Variants in MET observed in about 807,000 individuals in gnomAD.
MET encodes the protein MET proto-oncogene, receptor tyrosine kinase.
MET carries 48 observed loss-of-function variants against 133.1 expected under a neutral mutation model. The ratio of observed to expected loss-of-function variants is 0.36; its 90% CI spans 0.29 to 0.46. MET has a LOEUF of 0.46. Ranked by LOEUF, MET falls within the 20% of genes least tolerant of loss-of-function variation. MET has a pLI of 1.00. For synonymous variants in MET, 628 were observed against 616.5 expected (o/e 1.02, Z -0.28); for missense variants, 1,442 against 1,695.9 (o/e 0.85, Z 2.63).
intron 13 of MET, 40 bp downstream of exon 13, chr7:116,771,694 A>G: frequency 6.2e-7 from 1 of 1,611,288 alleles, no homozygotes; most frequent in Non-Finnish European, 8.5e-7. Flanking sequence ...AGTTACCTTA[A>G]GAACACAGTC....
In MET at chr7:116,763,224, C is replaced by T. The variant is rs1562925733; in HGVS notation, c.2539C>T (p.Pro847Ser). 1.2e-6 allele frequency: 2 copies of T among 1,613,856 alleles called. No homozygotes were observed. The highest frequency in any genetic ancestry group is 8.5e-7 in the Non-Finnish European group (1 of 1,179,926). Residue 847 changes from proline (P) to serine (S), a missense_variant, in exon 11 of 21, where the codon CCA becomes TCA. This residue lies in a region of MET where 514 missense variants were observed against 659.6 expected (regional missense o/e 0.78). Transcript: ENST00000397752. ...HNPVFKPFEK[P>S]VMISMGNENV... ...TCCTGTGTTTAAGCCTTTTGAAAAGCCAGTGATGATCTCAATGGGCAATGA... is the reference window on the plus strand; with the variant it reads ...TCCTGTGTTTAAGCCTTTTGAAAAGTCAGTGATGATCTCAATGGGCAATGA...
At chr7:116,686,897 C>T (rs1796580681) in intron 1 of MET, among the ~76,000 whole-genome samples, 1 of 152,222 alleles carries the variant, frequency 6.6e-6, no homozygotes, top group Non-Finnish European at 1.5e-5. Flanking sequence ...ACCTGAGCAG[C>T]TCCAACTTAT....
At position 116,699,876 on chromosome 7, in the gene MET, C is replaced by A. The variant is rs1275661752; in HGVS notation, c.792C>A (p.Val264=). Residue 264 remains valine, a synonymous_variant, in exon 2 of 21, where the codon GTC becomes GTA. Transcript: ENST00000397752. The stretch of plus-strand genomic sequence containing the variant: ...ACAATTTTATTTACTTCTTGACGGT[C>A]CAAAGGGAAACTCTAGATGCTCAGA... ...ESNNFIYFLT[V]QRETLDAQTF... is the part of the protein sequence containing the mutation. The A allele has an allele frequency of 6.2e-7, 1 of 1,614,034 alleles. No individual in the cohort carries two copies. The highest frequency in any genetic ancestry group is 8.5e-7 in the Non-Finnish European group (1 of 1,179,962).
intron 5 of MET, among the ~76,000 whole-genome samples, chr7:116,742,412 T>G (rs1793494946): frequency 6.6e-6 from 1 of 152,266 alleles, no homozygotes; most frequent in Non-Finnish European, 1.5e-5. Flanking sequence ...TATACTTTTA[T>G]AAACAAACAA....
chr7:116,789,150 G>A (rs1052954313), intron 19 of MET, among the ~76,000 whole-genome samples: 1 of 151,998 alleles, frequency 6.6e-6, no homozygotes, highest in African/African-American at 2.4e-5. Flanking sequence ...TTTTCCTCCT[G>A]CTTCTAGGTT....
At chr7:116,757,352 A>T in intron 6 of MET, 85 bp from the exon 7 acceptor site, 1 of 1,081,846 alleles carries the variant, frequency 9.2e-7, no homozygotes, top group Non-Finnish European at 1.4e-6. Flanking sequence ...CTCACCATTT[A>T]GAGTTAATGT....
At chr7:116,702,072 T>A (rs1791598947) in intron 2 of MET, among the ~76,000 whole-genome samples, 1 of 152,158 alleles carries the variant, frequency 6.6e-6, no homozygotes, top group African/African-American at 2.4e-5. Context: ...CTGAATTTTA[T>A]CCTACCCTTT....
chr7:116,786,146 A>G (rs1257061539), intron 19 of MET, among the ~76,000 whole-genome samples: 1 of 152,214 alleles, frequency 6.6e-6, no homozygotes, highest in Non-Finnish European at 1.5e-5. Flanking sequence ...TGGCCTATAG[A>G]TGGCCACCTT....
At chr7:116,790,293 C>T (rs1306435940) in intron 19 of MET, among the ~76,000 whole-genome samples, 1 of 152,216 alleles carries the variant, frequency 6.6e-6, no homozygotes, top group Admixed American at 6.5e-5. Context: ...CAGGCCCTGG[C>T]AACCACAATT....
At chr7:116,732,207 G>C (rs750597048) in intron 3 of MET, among the ~76,000 whole-genome samples, 7 of 152,120 alleles carry the variant, frequency 4.6e-5, no homozygotes, top group Non-Finnish European at 1.0e-4. Context: ...GGAAGCTACA[G>C]ATCAAAGGAG....
At chr7:116,737,656 C>T (rs369838736) in intron 3 of MET, among the ~76,000 whole-genome samples, 8 of 152,094 alleles carry the variant, frequency 5.3e-5, no homozygotes, top group Middle Eastern at 3.2e-3. Context: ...CCATTTAAAG[C>T]ACTTGGCACA....
chr7:116,755,920 A>C (rs1282577549), intron 6 of MET, among the ~76,000 whole-genome samples: 1 of 152,184 alleles, frequency 6.6e-6, no homozygotes. Context: ...TTTTAAATTC[A>C]CTTTCTAAAC....
At chr7:116,732,637 A>C (rs928673569) in intron 3 of MET, among the ~76,000 whole-genome samples, 1 of 152,208 alleles carries the variant, frequency 6.6e-6, no homozygotes, top group Non-Finnish European at 1.5e-5. Context: ...ACTTCTGTGA[A>C]TACTAGAAAT....
chr7:116,736,213 T>G (rs539881126), intron 3 of MET, among the ~76,000 whole-genome samples: 1 of 152,126 alleles, frequency 6.6e-6, no homozygotes, highest in African/African-American at 2.4e-5. Context: ...ATATGAAATA[T>G]CTAGAATAGG....
At chr7:116,752,140 A>G (rs1216968896) in intron 5 of MET, among the ~76,000 whole-genome samples, 3 of 152,180 alleles carry the variant, frequency 2.0e-5, no homozygotes, top group Non-Finnish European at 2.9e-5. Flanking sequence ...ATACTCAGAA[A>G]AGCAGTATTA....
chr7:116,703,556 C>G (rs1469473186), intron 2 of MET, among the ~76,000 whole-genome samples: 1 of 151,890 alleles, frequency 6.6e-6, no homozygotes, highest in Non-Finnish European at 1.5e-5. Context: ...GAGAAAAAAC[C>G]CTCATCTCTA....
At chr7:116,792,456 GACACACACACACACAC>G (rs56212730) in intron 19 of MET, among the ~76,000 whole-genome samples, 163 of 80,738 alleles carry the variant, frequency 2.0e-3, no homozygotes, top group Non-Finnish European at 2.9e-3. Context: ...TCAACCGACA[GACACACACACACACAC>G]ACACACACAC....
In MET at chr7:116,755,052, A is replaced by AAGAAAGAAC. The variant is rs1794126811; in HGVS notation, c.1702-303_1702-302insAGAAAGAAC. ...AGAAAGAAAGAAAGAAAAGAAAGAA[A>AAGAAAGAAC]GAACGGAAGGACTCGAAAAGCCCCT... On this transcript the variant is annotated intron_variant, in intron 5 of 20. Coordinates refer to ENST00000397752, the MANE Select transcript of MET (RefSeq NM_000245.4). 3.9e-5 allele frequency among the ~76,000 whole-genome samples: 6 copies of AAGAAAGAAC among 152,070 alleles called. No homozygotes were observed. In the East Asian group the frequency reaches 5.8e-4, roughly 15 times the overall value.
chr7:116,682,523 T>C (rs1796397281), intron 1 of MET, among the ~76,000 whole-genome samples: 1 of 152,236 alleles, frequency 6.6e-6, no homozygotes, highest in Non-Finnish European at 1.5e-5. Flanking sequence ...CATTTTCTGT[T>C]AATAAGGGCC....
Sources: gnomAD v4.1 joint callset for allele counts (sites outside exome capture counted in the v4.1 genomes callset) on GRCh38, gnomAD v4.1.1 for gene constraint, gnomAD v4.1.1 regional missense constraint, MANE v1.5 for transcripts, NCBI Gene and HGNC (gene_info 2026-07-23, HGNC 2026-07-21) for gene names.